The following SLIT3 variants were observed in gnomAD, a reference collection of about 807,000 sequenced individuals.
SLIT3 encodes the protein slit homolog 3 protein.
In SLIT3, 68 loss-of-function variants were observed where a neutral mutation model predicts 184.0. The observed-to-expected ratio is 0.37, with a 90% CI of 0.30 to 0.45. The LOEUF is 0.45. Among genes scored for constraint, SLIT3 ranks in the 20% least tolerant of loss-of-function variants. The pLI is 1.00. For missense variants in SLIT3, 1,707 were observed against 2,026.0 expected (o/e 0.84, Z 3.02); for synonymous variants, 831 against 828.6 (o/e 1.00, Z -0.05).
At chr5:169,290,731 C>T (rs537643617) in intron 1 of SLIT3, among the ~76,000 whole-genome samples, 6 of 142,628 alleles carry the variant, frequency 4.2e-5, no homozygotes, top group Non-Finnish European at 7.6e-5. Flanking sequence ...CTAGGGCACA[C>T]GCTAAGGCAC....
intron 4 of SLIT3, among the ~76,000 whole-genome samples, chr5:168,932,555 C>T (rs936903080): frequency 3.3e-5 from 5 of 152,060 alleles, no homozygotes; most frequent in Admixed American, 1.3e-4. Flanking sequence ...AGCCAATCAA[C>T]GTATGTAAAG....
intron 4 of SLIT3, among the ~76,000 whole-genome samples, chr5:169,139,616 A>G (rs1761651336): frequency 6.6e-6 from 1 of 152,216 alleles, no homozygotes; most frequent in Non-Finnish European, 1.5e-5. Flanking sequence ...TTGAGCAATC[A>G]AAACAAAACA....
intron 4 of SLIT3, among the ~76,000 whole-genome samples, chr5:169,008,338 G>A (rs570733112): frequency 9.6e-4 from 146 of 152,300 alleles, no homozygotes; most frequent in African/African-American, 3.4e-3. Flanking sequence ...GCAAGGCTGG[G>A]AGGAGGCTCC....
chr5:169,238,835 T>C (rs535887356), intron 3 of SLIT3, among the ~76,000 whole-genome samples: 1 of 152,324 alleles, frequency 6.6e-6, no homozygotes, highest in East Asian at 1.9e-4. Flanking sequence ...TATTACATCA[T>C]GGTTCCTTTG....
chr5:168,932,286 C>A (rs1581222044), intron 4 of SLIT3, among the ~76,000 whole-genome samples: 2 of 138,160 alleles, frequency 1.4e-5, no homozygotes, highest in African/African-American at 2.7e-5. Flanking sequence ...GTACAAGGCA[C>A]TATATATTTC....
intron 6 of SLIT3, among the ~76,000 whole-genome samples, chr5:168,828,278 A>G (rs1156730171): frequency 6.6e-6 from 1 of 152,106 alleles, no homozygotes; most frequent in Non-Finnish European, 1.5e-5. Flanking sequence ...CTCAAGAGAG[A>G]CGACAGGTGA....
chr5:169,295,181 TTCAGC>T (rs1341585849), intron 1 of SLIT3, among the ~76,000 whole-genome samples: 4 of 152,254 alleles, frequency 2.6e-5, no homozygotes, highest in Middle Eastern at 3.2e-3. Context: ...ATAGGAATTC[TTCAGC>T]TCCATTTTAA....
chr5:168,762,672 T>C lies in SLIT3; in HGVS notation c.1477A>G (p.Ser493Gly), dbSNP rs758057210. 18 of 1,613,740 alleles carry C rather than the reference T, an allele frequency of 1.1e-5. No homozygotes were observed. The highest frequency in any genetic ancestry group is 5.0e-5 in the Admixed American group (3 of 59,992). ...FRCSGSEDYR[S>G]RFSSECFMDL... ...ATGAAGCACTCGCTGCTGAACCTGC[T>C]GCGGTAATCCTCGGAGCCTGGGAGG... Residue 493 changes from serine to glycine, a missense_variant, in exon 15 of 36, where the codon AGC becomes GGC. Ser to Gly is a moderately conservative substitution (Grantham distance 56). Coordinates refer to ENST00000519560, the MANE Select transcript of SLIT3 (RefSeq NM_003062.4).
At chr5:168,863,046 G>A (rs1037429409) in intron 5 of SLIT3, among the ~76,000 whole-genome samples, 3 of 152,110 alleles carry the variant, frequency 2.0e-5, no homozygotes, top group East Asian at 1.9e-4. Context: ...AGACGGAGAC[G>A]AATGCCATGC....
intron 4 of SLIT3, among the ~76,000 whole-genome samples, chr5:169,031,536 C>T (rs1204681674): frequency 6.6e-6 from 1 of 152,184 alleles, no homozygotes; most frequent in Non-Finnish European, 1.5e-5. Context: ...ATGGAGGTTA[C>T]ACCGAAGCTA....
intron 4 of SLIT3, among the ~76,000 whole-genome samples, chr5:168,977,522 C>T (rs1754809708): frequency 6.6e-6 from 1 of 152,110 alleles, no homozygotes. Context: ...AATGCATGAC[C>T]CAAGCTGGGT....
At chr5:169,041,322 G>T (rs1037366622) in intron 4 of SLIT3, among the ~76,000 whole-genome samples, 2 of 152,164 alleles carry the variant, frequency 1.3e-5, no homozygotes, top group African/African-American at 4.8e-5. Flanking sequence ...CCTTGTTCTC[G>T]TGGATCTCAG....
chr5:168,891,187 T>C (rs530701508), intron 4 of SLIT3, among the ~76,000 whole-genome samples: 74 of 152,196 alleles, frequency 4.9e-4, no homozygotes, highest in Admixed American at 1.6e-3. Context: ...TAGGGAAAAT[T>C]TTGGGAGCAG....
chr5:168,727,260 C>A (rs1415305397), intron 20 of SLIT3, among the ~76,000 whole-genome samples: 1 of 151,994 alleles, frequency 6.6e-6, no homozygotes, highest in Non-Finnish European at 1.5e-5. Flanking sequence ...GCCAAGGTTG[C>A]AGTGAGCTGA....
chr5:169,209,681 C>A (rs1764192435), intron 3 of SLIT3, among the ~76,000 whole-genome samples: 1 of 152,178 alleles, frequency 6.6e-6, no homozygotes, highest in South Asian at 2.1e-4. Flanking sequence ...TCATTCTCAG[C>A]AAGCTAACCC....
At chr5:168,776,310 C>T (rs983528158) in intron 12 of SLIT3, among the ~76,000 whole-genome samples, 6 of 152,190 alleles carry the variant, frequency 3.9e-5, no homozygotes, top group Non-Finnish European at 7.3e-5. Flanking sequence ...AGAAGAACGG[C>T]CTGTTTAATC....
chr5:168,703,226 TTGTG>T (rs370363011), intron 26 of SLIT3, among the ~76,000 whole-genome samples: 14,963 of 126,282 alleles, frequency 0.12, 839 homozygotes, highest in Non-Finnish European at 0.14. Flanking sequence ...TCATCCCACT[TTGTG>T]TGTGTGTGTG....
chr5:168,696,287 C>T lies in SLIT3; in HGVS notation c.3082+5G>A. The T allele has an allele frequency of 1.9e-6, 3 of 1,614,168 alleles. No homozygotes were observed. Among genetic ancestry groups the T allele is most frequent in the Non-Finnish European group, 2.5e-6 (3 of 1,180,018 alleles). On this transcript the variant is annotated splice_donor_5th_base_variant and intron_variant, in intron 28 of 35. Coordinates refer to ENST00000519560, the MANE Select transcript of SLIT3 (RefSeq NM_003062.4). Reference sequence around the variant, plus strand: ...CCACCATACATACAGTCATGAGATCCTTACCTGTGTAGTTAGGCGGACAGA... The same window carrying T: ...CCACCATACATACAGTCATGAGATCTTTACCTGTGTAGTTAGGCGGACAGA...
At chr5:168,875,241 GGAAGAGAGAGGGAA>G (rs1429517390) in intron 5 of SLIT3, among the ~76,000 whole-genome samples, 2 of 149,556 alleles carry the variant, frequency 1.3e-5, no homozygotes, top group Non-Finnish European at 3.0e-5. Flanking sequence ...AAGGGAGGGA[GGAAGAGAGAGGGAA>G]GAAGAGAGTG....
Sources: allele counts gnomAD v4.1 joint callset (sites outside exome capture counted in the v4.1 genomes callset), GRCh38; gene constraint gnomAD v4.1.1; transcripts MANE v1.5; gene names NCBI Gene and HGNC (gene_info 2026-07-23, HGNC 2026-07-21).